Variants in PDZRN4 observed in about 807,000 individuals in gnomAD.
PDZRN4 encodes the protein PDZ domain-containing RING finger protein 4.
PDZRN4 carries 70 observed loss-of-function variants against 99.0 expected under a neutral mutation model. The ratio of observed to expected loss-of-function variants is 0.71; its 90% CI spans 0.58 to 0.86. The LOEUF (loss-of-function observed/expected upper bound fraction) is 0.86, where lower values mean the gene tolerates loss of function less well. Ranked by LOEUF, PDZRN4 falls within the 40% of genes least tolerant of loss-of-function variation. The probability of loss-of-function intolerance (pLI) is 0.00; values close to 1 mark genes in which losing one functional copy is unlikely to be tolerated. For missense variants in PDZRN4, 1,474 were observed against 1,331.2 expected (o/e 1.11, Z -1.67); for synonymous variants, 551 against 501.6 (o/e 1.10, Z -1.32).
At chr12:41,263,987 T>C (rs1285252172) in intron 3 of PDZRN4, among the ~76,000 whole-genome samples, 1 of 152,180 alleles carries the variant, frequency 6.6e-6, no homozygotes, top group Non-Finnish European at 1.5e-5. Context: ...AAACACACCC[T>C]TGACTTAACT....
chr12:41,500,525 A>T (rs1466879143), intron 3 of PDZRN4, among the ~76,000 whole-genome samples: 3 of 152,122 alleles, frequency 2.0e-5, no homozygotes, highest in Non-Finnish European at 2.9e-5. Context: ...TTAGGTTCTG[A>T]AATTATATGA....
At chr12:41,333,289 G>T (rs1382223625) in intron 3 of PDZRN4, among the ~76,000 whole-genome samples, 2 of 152,132 alleles carry the variant, frequency 1.3e-5, no homozygotes, top group Non-Finnish European at 2.9e-5. Context: ...AGCTCTCCCT[G>T]TAAACCTTCT....
intron 3 of PDZRN4, among the ~76,000 whole-genome samples, chr12:41,495,466 C>G (rs1324681715): frequency 6.6e-6 from 1 of 152,030 alleles, no homozygotes; most frequent in African/African-American, 2.4e-5. Context: ...CCACTGAAAT[C>G]CATGTGAATG....
intron 5 of PDZRN4, among the ~76,000 whole-genome samples, chr12:41,526,258 G>A (rs967811570): frequency 1.3e-5 from 2 of 152,170 alleles, no homozygotes; most frequent in African/African-American, 4.8e-5. Flanking sequence ...TGTGGCTCTT[G>A]GCATTCTGAG....
chr12:41,533,933 T>G lies in PDZRN4; in HGVS notation c.1204-18723T>G, dbSNP rs549141867. 7.2e-5 allele frequency among the ~76,000 whole-genome samples: 11 copies of G among 152,018 alleles called. No homozygotes were observed. In the East Asian group the frequency reaches 2.1e-3, roughly 29 times the overall value. Reference sequence around the variant, plus strand: ...TGATTGACTATTTTTCTCATCCAATTTTTTTTCTCTCTGTTGAATTAGAAG... The same window carrying G: ...TGATTGACTATTTTTCTCATCCAATGTTTTTTCTCTCTGTTGAATTAGAAG... On this transcript the variant is annotated intron_variant, in intron 5 of 9. Coordinates refer to ENST00000402685, the MANE Select transcript of PDZRN4 (RefSeq NM_001164595.2).
intron 3 of PDZRN4, among the ~76,000 whole-genome samples, chr12:41,504,674 G>A (rs1938174138): frequency 1.3e-5 from 2 of 152,150 alleles, no homozygotes; most frequent in Admixed American, 6.6e-5. Flanking sequence ...AGAAGCTAAA[G>A]GAATGAGTGT....
intron 3 of PDZRN4, among the ~76,000 whole-genome samples, chr12:41,288,433 C>T (rs1951434792): frequency 6.6e-6 from 1 of 152,130 alleles, no homozygotes; most frequent in Admixed American, 6.6e-5. Flanking sequence ...GGCAGTATTT[C>T]TCAGGTATCA....
At chr12:41,447,695 C>T (rs1952740671) in intron 3 of PDZRN4, among the ~76,000 whole-genome samples, 1 of 152,070 alleles carries the variant, frequency 6.6e-6, no homozygotes, top group Non-Finnish European at 1.5e-5. Context: ...AAAACTGAAG[C>T]ACAAAGTAGT....
At chr12:41,446,311 T>C (rs932219329) in intron 3 of PDZRN4, among the ~76,000 whole-genome samples, 4 of 151,146 alleles carry the variant, frequency 2.6e-5, no homozygotes, top group Non-Finnish European at 5.9e-5. Context: ...ATTTTTTTTT[T>C]CTGAACTAAC....
chr12:41,373,536 T>C (rs547286284), intron 3 of PDZRN4, among the ~76,000 whole-genome samples: 36 of 152,330 alleles, frequency 2.4e-4, no homozygotes, highest in African/African-American at 7.9e-4. Flanking sequence ...AATATGGCCC[T>C]CTTCTGCCTG....
At chr12:41,449,040 C>T (rs1040282537) in intron 3 of PDZRN4, among the ~76,000 whole-genome samples, 2 of 152,096 alleles carry the variant, frequency 1.3e-5, no homozygotes, top group African/African-American at 4.8e-5. Flanking sequence ...ATTAGGACCT[C>T]ATCTTAAGAT....
intron 3 of PDZRN4, among the ~76,000 whole-genome samples, chr12:41,486,704 G>A (rs531021949): frequency 2.0e-4 from 30 of 152,206 alleles, no homozygotes; most frequent in Admixed American, 3.9e-4. Context: ...AAGAAAAGGG[G>A]GGAGAGCTTT....
rs1257294769 is a variant in PDZRN4 at position 41,573,407 on chromosome 12, C to T, written c.2628C>T (p.Cys876=). The T allele has an allele frequency of 3.1e-6, 5 of 1,613,398 alleles. No homozygotes were observed. The highest frequency in any genetic ancestry group is 4.2e-6 in the Non-Finnish European group (5 of 1,179,992). ...GTCAGCTCAGCTTGGTGAGCATGTG[C>T]AAGGAGTCTCAGAAGTGTTCAGAGC... ...AQSQLSLVSM[C]KESQKCSEPK... Residue 876 remains cysteine, a synonymous_variant, in exon 10 of 10, where the codon TGC becomes TGT. Transcript: ENST00000402685.
intron 3 of PDZRN4, among the ~76,000 whole-genome samples, chr12:41,430,392 C>G (rs1282843094): frequency 1.3e-5 from 2 of 151,784 alleles, no homozygotes; most frequent in Non-Finnish European, 2.9e-5. Context: ...TTACTTGAAC[C>G]CAGGAGGCAG....
chr12:41,228,514 C>A (rs1037932112), intron 3 of PDZRN4, among the ~76,000 whole-genome samples: 4 of 151,934 alleles, frequency 2.6e-5, no homozygotes, highest in African/African-American at 7.3e-5. Context: ...TTTTGAAAGG[C>A]CTTTTGCCAA....
At chr12:41,298,485 T>C (rs1214266072) in intron 3 of PDZRN4, among the ~76,000 whole-genome samples, 1 of 152,200 alleles carries the variant, frequency 6.6e-6, no homozygotes, top group Non-Finnish European at 1.5e-5. Context: ...CCTGTGATAC[T>C]AGTGTACAGA....
intron 9 of PDZRN4, among the ~76,000 whole-genome samples, chr12:41,571,216 A>T (rs1243838029): frequency 6.6e-6 from 1 of 152,170 alleles, no homozygotes; most frequent in East Asian, 1.9e-4. Context: ...ATAGATTATC[A>T]TATGATGACT....
chr12:41,188,500 T>A lies in PDZRN4; in HGVS notation c.45T>A (p.Ala15=). ...GCTTCGCAGAAGCCGTGGACCCGGC[T>A]CTGGAGTGCAAACTGTGCGGCCAGG... ...LERFAEAVDP[A]LECKLCGQVL... The change falls in exon 1 of 10, where the codon GCT becomes GCA. Residue 15 remains alanine (A), a synonymous_variant. Transcript: ENST00000402685. 6.3e-7 allele frequency: 1 copy of A among 1,590,984 alleles called. No individual in the cohort carries two copies. Among genetic ancestry groups the A allele is most frequent in the South Asian group, 1.1e-5 (1 of 89,468 alleles).
At chr12:41,306,546 A>G (rs1267253581) in intron 3 of PDZRN4, among the ~76,000 whole-genome samples, 4 of 152,090 alleles carry the variant, frequency 2.6e-5, no homozygotes, top group Non-Finnish European at 4.4e-5. Context: ...TCACAACTCT[A>G]CTAATCTTTG....
Sources: allele counts gnomAD v4.1 joint callset (sites outside exome capture counted in the v4.1 genomes callset), GRCh38; gene constraint gnomAD v4.1.1; transcripts MANE v1.5; gene names NCBI Gene and HGNC (gene_info 2026-07-23, HGNC 2026-07-21).